WDFY3: variants seen among roughly 807,000 people sequenced by gnomAD.
WDFY3 encodes WD repeat and FYVE domain-containing protein 3.
Under a neutral mutation model 409.6 loss-of-function variants are expected in WDFY3, and 66 were observed. That is an observed-to-expected ratio of 0.16 (90% CI 0.13 to 0.20). The LOEUF is 0.20. Ranked by LOEUF, WDFY3 falls within the 10% of genes least tolerant of loss-of-function variation. The pLI is 1.00. For synonymous variants in WDFY3, 1,521 were observed against 1,537.1 expected, an observed-to-expected ratio of 0.99 and a Z score of 0.25; for missense variants, 3,031 against 4,298.1, an observed-to-expected ratio of 0.71 and a Z score of 8.24.
chr4:84,682,338 A>T (rs1257848617), intron 64 of WDFY3, 36 bp downstream of exon 64: 3 of 1,584,756 alleles, frequency 1.9e-6, no homozygotes, highest in Non-Finnish European at 2.6e-6. Flanking sequence ...AGAAATATGA[A>T]AACGATTTGA....
chr4:84,719,645 T>G lies in WDFY3; in HGVS notation c.7606-1075A>C, dbSNP rs1734519061. 2.6e-5 allele frequency among the ~76,000 whole-genome samples: 4 copies of G among 152,320 alleles called. No individual in the cohort carries two copies. The South Asian group carries it at 6.2e-4, about 24-fold the overall frequency. On this transcript the variant is annotated intron_variant, in intron 47 of 67. Transcript: ENST00000295888. ...TAAAAGTTTCTCTATTGCAGTATAT[T>G]TTATGCATATACATACATACATACA...
rs1275203777 is a variant in WDFY3, at chr4:84,902,148, T to C, written c.-131-5138A>G. On this transcript the variant is annotated intron_variant, in intron 2 of 67. Coordinates refer to ENST00000295888, the MANE Select transcript of WDFY3 (RefSeq NM_014991.6). ...CTGGCATTATATTCCATACACACACTGAAATACTGTGCCACATATGTTTTT... is the reference window on the plus strand; with the variant it reads ...CTGGCATTATATTCCATACACACACCGAAATACTGTGCCACATATGTTTTT... Among the ~76,000 whole-genome samples, 3 of 152,270 alleles carry C rather than the reference T, an allele frequency of 2.0e-5. No individual in the cohort carries two copies. The East Asian group carries it at 5.8e-4, about 29-fold the overall frequency.
At chr4:84,761,117 T>C (rs1432002100) in intron 32 of WDFY3, among the ~76,000 whole-genome samples, 1 of 152,156 alleles carries the variant, frequency 6.6e-6, no homozygotes, top group East Asian at 1.9e-4. Context: ...TGAGCGGTTT[T>C]GAGTGAGTTT....
In WDFY3 at chr4:84,750,046, T is replaced by C. The variant is rs190282180; in HGVS notation, c.5973+1437A>G. 8.5e-3 allele frequency among the ~76,000 whole-genome samples: 1,290 copies of C among 152,320 alleles called. 11 individuals are homozygous for C. Among genetic ancestry groups the C allele is most frequent in the Non-Finnish European group, 0.014 (921 of 68,024 alleles). On this transcript the variant is annotated intron_variant, in intron 36 of 67. Coordinates refer to ENST00000295888, the MANE Select transcript of WDFY3 (RefSeq NM_014991.6). The stretch of plus-strand genomic sequence containing the variant: ...ACTGTATGTTTCCAGTCATTCCATA[T>C]CTTTCATGTATGTATTTTCCTTTTT...
intron 2 of WDFY3, among the ~76,000 whole-genome samples, chr4:84,910,335 T>C (rs1394064198): frequency 5.3e-5 from 8 of 152,134 alleles, no homozygotes. Context: ...GGGATGATTG[T>C]ATATTAGAAA....
At chr4:84,900,871 T>C (rs1039848557) in intron 2 of WDFY3, among the ~76,000 whole-genome samples, 2 of 152,262 alleles carry the variant, frequency 1.3e-5, no homozygotes, top group Non-Finnish European at 1.5e-5. Context: ...AACAGCATGA[T>C]AGTTTCTGTG....
intron 1 of WDFY3, among the ~76,000 whole-genome samples, chr4:84,933,181 AT>A (rs775989214): frequency 1.3e-5 from 2 of 152,124 alleles, no homozygotes; most frequent in Admixed American, 1.3e-4. Context: ...TGTTTTTGTT[AT>A]GTAACTTTAT....
intron 2 of WDFY3, among the ~76,000 whole-genome samples, chr4:84,897,346 C>T (rs953553043): frequency 1.5e-4 from 23 of 151,932 alleles, no homozygotes; most frequent in African/African-American, 4.6e-4. Flanking sequence ...TGCTAAATAA[C>T]GTATGAGTAT....
chr4:84,902,600 CA>C (rs1383359970), intron 2 of WDFY3, among the ~76,000 whole-genome samples: 5 of 152,238 alleles, frequency 3.3e-5, no homozygotes, highest in Middle Eastern at 3.4e-3. Flanking sequence ...TTTAGAAGGG[CA>C]AAATAGAATT....
In WDFY3 at chr4:84,670,480, GCA is replaced by G. The variant is rs1310827894; in HGVS notation, c.*2386_*2387del. 6.5e-6 allele frequency: 1 copy of G among 152,688 alleles called. No homozygotes were observed. The highest frequency in any genetic ancestry group is 1.5e-5 in the Non-Finnish European group (1 of 68,050). 9.5% of individuals were successfully genotyped at this position (152,688 alleles called of 1,614,324 possible). A position where few individuals can be genotyped will look rare whatever the true frequency, so the allele number is the denominator to read the frequency against. ...CGATTGAACAAAACAGTTGCCCACA[GCA>G]CCAGCTGCCAGAGGAAATACTACCA... On this transcript the variant is annotated 3_prime_UTR_variant, in exon 68 of 68. Coordinates refer to ENST00000295888, the MANE Select transcript of WDFY3 (RefSeq NM_014991.6).
At chr4:84,717,110 G>C in intron 48 of WDFY3, 94 bp from the exon 49 acceptor site, 2 of 1,293,872 alleles carry the variant, frequency 1.5e-6, no homozygotes, top group East Asian at 2.8e-5. Context: ...CACATGAACA[G>C]GATGGAGGAG....
rs548074351 is a variant in WDFY3 at position 84,844,423 on chromosome 4, C to T, written c.305-3160G>A. The T allele has an allele frequency of 6.6e-5, 85 of 1,283,516 alleles. No homozygotes were observed. The Middle Eastern group carries it at 8.5e-4, about 13-fold the overall frequency. The allele number at this position is 1,283,516 out of a possible 1,614,324, so 79.5% of individuals were successfully genotyped here. ...AGCTTCCATGCTTCTTTTCATTTGACAATATATAACCACATCTTGGGAATG... is the reference window on the plus strand; with the variant it reads ...AGCTTCCATGCTTCTTTTCATTTGATAATATATAACCACATCTTGGGAATG... On this transcript the variant is annotated intron_variant, in intron 5 of 67. Transcript: ENST00000295888.
At position 84,849,106 on chromosome 4, in the gene WDFY3, G is replaced by A. The variant is rs570238356; in HGVS notation, c.304+796C>T. On this transcript the variant is annotated intron_variant, in intron 5 of 67. Coordinates refer to ENST00000295888, the MANE Select transcript of WDFY3 (RefSeq NM_014991.6). ...TTTTTATAAAGCTGCTGGAAAATAT[G>A]CTTTACCAAAATTAGGAATTAAGGG... Among the ~76,000 whole-genome samples the A allele has an allele frequency of 5.3e-5, 8 of 152,106 alleles. No homozygotes were observed. The East Asian group carries it at 1.4e-3, about 26-fold the overall frequency.
rs1221386334 is a variant in WDFY3, at chr4:84,690,661, T to C, written c.9208A>G (p.Met3070Val). The change falls in exon 61 of 68, where the codon ATG becomes GTG. Residue 3070 changes from methionine (M) to valine (V), a missense_variant. Physicochemically the swap from Met to Val is conservative, Grantham distance 21. Coordinates refer to ENST00000295888, the MANE Select transcript of WDFY3 (RefSeq NM_014991.6). ...TCAGACAAGCATTCATAAACAGTCA[T>C]GGCCTATAAAGTAAAACGGATGTGA... ...RLGTYESDKA[M>V]TVYECLSEWG... The C allele has an allele frequency of 1.9e-6, 3 of 1,611,282 alleles. No individual in the cohort carries two copies. Among genetic ancestry groups the C allele is most frequent in the Admixed American group, 1.7e-5 (1 of 59,578 alleles).
chr4:84,810,139 T>C lies in WDFY3; in HGVS notation c.2093A>G (p.Tyr698Cys), dbSNP rs1752244980. 3.1e-6 allele frequency: 5 copies of C among 1,614,058 alleles called. No homozygotes were observed. Among genetic ancestry groups the C allele is most frequent in the Admixed American group, 1.7e-5 (1 of 60,006 alleles). Residue 698 changes from tyrosine to cysteine, a missense_variant, in exon 14 of 68, where the codon TAT becomes TGT. Physicochemically the swap from Tyr to Cys is radical, Grantham distance 194. Transcript: ENST00000295888. ...VFCTLTAAMRYEPANSHFFKT... is the reference protein window; with the variant it reads ...VFCTLTAAMRCEPANSHFFKT... ...GAAGAAATGAGAGTTGGCTGGCTCA[T>C]AGCGCATTGCTGCAGTCAACGTGCA...
Position 84,821,074 on chromosome 4 carries a change from A to G in WDFY3, c.1591+10T>C. On this transcript the variant is annotated intron_variant, in intron 11 of 67. Coordinates refer to ENST00000295888, the MANE Select transcript of WDFY3 (RefSeq NM_014991.6). ...TTCAAATAAAAATAAAATTACAGAC[A>G]ATACTTTACCTTGTTCATTTAGTGC... is the stretch of plus-strand genomic sequence containing the variant. 1 of 1,571,886 alleles carries G rather than the reference A, an allele frequency of 6.4e-7. No individual in the cohort carries two copies. The highest frequency in any genetic ancestry group is 8.6e-7 in the Non-Finnish European group (1 of 1,162,490).
At chr4:84,956,154 T>C (rs1047290784) in intron 1 of WDFY3, among the ~76,000 whole-genome samples, 1 of 152,206 alleles carries the variant, frequency 6.6e-6, no homozygotes, top group African/African-American at 2.4e-5. Flanking sequence ...AGAAACATCA[T>C]ACAGGAAGAG....
chr4:84,819,432 C>T (rs1753758223), intron 12 of WDFY3, among the ~76,000 whole-genome samples: 1 of 152,002 alleles, frequency 6.6e-6, no homozygotes. Context: ...ATGATTTGAG[C>T]CCAGCCTACT....
At chr4:84,716,853 G>A in intron 49 of WDFY3, 43 bp downstream of exon 49, 1 of 1,402,376 alleles carries the variant, frequency 7.1e-7, no homozygotes, top group East Asian at 2.7e-5. Context: ...TACATTTTCA[G>A]AATAAAGAAA....
Sources: gnomAD v4.1 joint callset for allele counts (sites outside exome capture counted in the v4.1 genomes callset) on GRCh38, gnomAD v4.1.1 for gene constraint, MANE v1.5 for transcripts, NCBI Gene and HGNC (gene_info 2026-07-23, HGNC 2026-07-21) for gene names.